Variants in MYO18B observed in about 807,000 individuals in gnomAD.
MYO18B encodes the protein myosin XVIIIB, also known as unconventional myosin-XVIIIb.
Under a neutral mutation model 273.0 loss-of-function variants are expected in MYO18B, and 204 were observed. The ratio of observed to expected loss-of-function variants is 0.75; its 90% CI spans 0.67 to 0.84. The LOEUF is 0.84. Among genes scored for constraint, MYO18B ranks in the 40% least tolerant of loss-of-function variants. The probability of loss-of-function intolerance (pLI) is 0.00; values close to 1 mark genes in which losing one functional copy is unlikely to be tolerated. For missense variants in MYO18B, 3,212 were observed against 3,287.6 expected (o/e 0.98, Z 0.56); for synonymous variants, 1,330 against 1,305.7 (o/e 1.02, Z -0.40).
At chr22:25,907,665 A>T (rs1055355125) in intron 31 of MYO18B, among the ~76,000 whole-genome samples, 3 of 152,120 alleles carry the variant, frequency 2.0e-5, no homozygotes, top group African/African-American at 7.2e-5. Flanking sequence ...CCTACCATTC[A>T]TCTACCTATC....
At chr22:26,062,295 A>G in the MYO18B span, among the ~76,000 whole-genome samples, 1 of 152,202 alleles carries the variant, frequency 6.6e-6, no homozygotes, top group African/African-American at 2.4e-5. Flanking sequence ...ATGGGAAGGT[A>G]TCTAAATTGG....
At chr22:25,904,525 A>G (rs568556640) in intron 31 of MYO18B, among the ~76,000 whole-genome samples, 2 of 152,320 alleles carry the variant, frequency 1.3e-5, no homozygotes, top group South Asian at 2.1e-4. Flanking sequence ...AATGTCTGCT[A>G]TGTGCTAGGC....
At chr22:25,987,742 G>A (rs1354552201) in intron 39 of MYO18B, among the ~76,000 whole-genome samples, 1 of 151,944 alleles carries the variant, frequency 6.6e-6, no homozygotes, top group African/African-American at 2.4e-5. Context: ...CTCAACAAAT[G>A]TTTATTAAAT....
At position 25,768,954 on chromosome 22, in the gene MYO18B, G is replaced by A; in HGVS notation, c.1038G>A (p.Glu346=). The change falls in exon 4 of 44, where the codon GAG becomes GAA. Residue 346 remains glutamate, a synonymous_variant. Coordinates refer to ENST00000335473, the MANE Select transcript of MYO18B (RefSeq NM_032608.7). ...AAGGGGTGCTCTTAAGTAAGGCAGA[G>A]AAGACAGGTGAGCCTCAGACCCAGA... ...DKEGVLLSKA[E]KTGEPQTQME... is the part of the protein sequence containing the mutation. The A allele has an allele frequency of 1.2e-6, 2 of 1,611,712 alleles. No homozygotes were observed. The highest frequency in any genetic ancestry group is 1.7e-6 in the Non-Finnish European group (2 of 1,178,874).
At chr22:25,977,357 G>A (rs2146768642) in intron 39 of MYO18B, among the ~76,000 whole-genome samples, 1 of 146,354 alleles carries the variant, frequency 6.8e-6, no homozygotes, top group African/African-American at 2.6e-5. Flanking sequence ...GGGTTGCTGT[G>A]TCTGTAACCC....
At chr22:25,836,964 AAATAAT>A (rs71191082) in intron 17 of MYO18B, among the ~76,000 whole-genome samples, 30,429 of 141,838 alleles carry the variant, frequency 0.21, 3,663 homozygotes, top group Non-Finnish European at 0.27. Flanking sequence ...TTCCATCTCA[AAATAAT>A]AATAATAATA....
chr22:25,770,571 G>A (rs1453620073), intron 5 of MYO18B, among the ~76,000 whole-genome samples: 2 of 152,154 alleles, frequency 1.3e-5, no homozygotes, highest in South Asian at 4.2e-4. Flanking sequence ...ACTGGAGGGG[G>A]AAATGGCAGT....
chr22:25,946,828 C>G (rs2092717763), intron 35 of MYO18B, among the ~76,000 whole-genome samples: 1 of 152,164 alleles, frequency 6.6e-6, no homozygotes, highest in South Asian at 2.1e-4. Context: ...TCTTGGCCCG[C>G]TTAGGCTTAT....
At chr22:25,769,467 C>T (rs1012787659) in intron 4 of MYO18B, 39 bp downstream of exon 4, 3 of 1,455,650 alleles carry the variant, frequency 2.1e-6, no homozygotes, top group Non-Finnish European at 2.7e-6. Context: ...AAGCGGCAGA[C>T]AGGCCTCTCC....
chr22:26,045,068 T>C, the MYO18B span, among the ~76,000 whole-genome samples: 1 of 150,536 alleles, frequency 6.6e-6, no homozygotes, highest in African/African-American at 2.5e-5. Flanking sequence ...TGTTTTTTGG[T>C]TTTTGGTTTT....
At chr22:25,909,033 C>T (rs998795017) in intron 32 of MYO18B, among the ~76,000 whole-genome samples, 4 of 152,148 alleles carry the variant, frequency 2.6e-5, no homozygotes, top group African/African-American at 4.8e-5. Flanking sequence ...ACAGATCTAA[C>T]TTATATGTTT....
At chr22:25,839,876 C>A (rs546670916) in intron 17 of MYO18B, among the ~76,000 whole-genome samples, 1 of 152,314 alleles carries the variant, frequency 6.6e-6, no homozygotes, top group African/African-American at 2.4e-5. Context: ...TGGAAAGTCC[C>A]CTCCTGGTTC....
At chr22:26,061,617 G>A in the MYO18B span, among the ~76,000 whole-genome samples, 28 of 151,560 alleles carry the variant, frequency 1.8e-4, no homozygotes, top group African/African-American at 6.8e-4. Context: ...CTCAGTTCCT[G>A]TGTCCCTATT....
At chr22:26,038,532 TGAA>T in the MYO18B span, among the ~76,000 whole-genome samples, 1 of 152,172 alleles carries the variant, frequency 6.6e-6, no homozygotes, top group Non-Finnish European at 1.5e-5. Flanking sequence ...TCCCACCACC[TGAA>T]GCCAAAGTCC....
At chr22:25,806,060 C>T (rs180793075) in intron 12 of MYO18B, among the ~76,000 whole-genome samples, 2 of 152,292 alleles carry the variant, frequency 1.3e-5, no homozygotes, top group African/African-American at 4.8e-5. Context: ...TTCTGCTCAT[C>T]GTTGCATCCC....
intron 39 of MYO18B, among the ~76,000 whole-genome samples, chr22:25,974,531 G>A (rs1337250217): frequency 6.6e-6 from 1 of 152,200 alleles, no homozygotes; most frequent in Non-Finnish European, 1.5e-5. Context: ...CAAAGGACCA[G>A]GTAGTAAATA....
At chr22:25,863,598 G>A (rs568835046) in intron 21 of MYO18B, among the ~76,000 whole-genome samples, 16 of 152,226 alleles carry the variant, frequency 1.1e-4, no homozygotes, top group South Asian at 4.2e-4. Context: ...CAGGAGTTGC[G>A]CCTATGTCTG....
intron 34 of MYO18B, among the ~76,000 whole-genome samples, chr22:25,936,019 A>G (rs1352136189): frequency 6.6e-6 from 1 of 152,204 alleles, no homozygotes; most frequent in African/African-American, 2.4e-5. Context: ...AGTTCATACT[A>G]TGTCAGGACC....
At chr22:25,897,552 A>G (rs2091836183) in intron 28 of MYO18B, 1 of 152,240 alleles carries the variant, frequency 6.6e-6, no homozygotes, top group Non-Finnish European at 1.5e-5. Context: ...TTTATGCTAC[A>G]TTAAAAAGTA....
Sources: allele counts gnomAD v4.1 joint callset (sites outside exome capture counted in the v4.1 genomes callset), GRCh38; gene constraint gnomAD v4.1.1; transcripts MANE v1.5; gene names NCBI Gene and HGNC (gene_info 2026-07-23, HGNC 2026-07-21).